Variants in ZNF277 observed in about 807,000 individuals in gnomAD.
ZNF277 encodes the protein nuclear receptor-interacting factor 4.
In ZNF277, 55 loss-of-function variants were observed where a neutral mutation model predicts 60.7. The ratio of observed to expected loss-of-function variants is 0.91; its 90% CI spans 0.73 to 1.13. The LOEUF (loss-of-function observed/expected upper bound fraction) is 1.13. ZNF277 is among the 50% of genes most tolerant of loss of function. ZNF277 has a pLI of 0.00. For missense variants in ZNF277, 510 were observed against 523.0 expected, an observed-to-expected ratio of 0.98 and a Z score of 0.24; for synonymous variants, 178 against 179.3, an observed-to-expected ratio of 0.99 and a Z score of 0.06.
chr7:112,329,606 A>G (rs900266637), intron 6 of ZNF277, among the ~76,000 whole-genome samples: 2 of 152,166 alleles, frequency 1.3e-5, no homozygotes, highest in African/African-American at 4.8e-5. Context: ...AAATCAGAAA[A>G]TGGCAACAGA....
At chr7:112,252,101 C>T (rs962191368) in intron 1 of ZNF277, among the ~76,000 whole-genome samples, 4 of 152,200 alleles carry the variant, frequency 2.6e-5, no homozygotes, top group South Asian at 4.1e-4. Context: ...TACACTGATG[C>T]ACAATATGTG....
intron 2 of ZNF277, chr7:112,288,135 G>T (rs1335736689): frequency 1.3e-5 from 2 of 152,160 alleles, no homozygotes; most frequent in Non-Finnish European, 2.9e-5. Context: ...CAAGCCAAAA[G>T]GATATTGCCC....
intron 5 of ZNF277, among the ~76,000 whole-genome samples, chr7:112,320,991 G>A (rs1389509517): frequency 4.9e-5 from 7 of 141,524 alleles, no homozygotes; most frequent in African/African-American, 1.9e-4. Flanking sequence ...GCAGGATCTC[G>A]GCTCACTGCA....
chr7:112,248,140 G>A (rs775575735), intron 1 of ZNF277, among the ~76,000 whole-genome samples: 3 of 152,166 alleles, frequency 2.0e-5, no homozygotes, highest in Non-Finnish European at 4.4e-5. Flanking sequence ...TGTGAAAAGT[G>A]TGAAATCAAG....
At chr7:112,321,216 C>T (rs984907508) in intron 5 of ZNF277, among the ~76,000 whole-genome samples, 8 of 151,852 alleles carry the variant, frequency 5.3e-5, no homozygotes, top group African/African-American at 1.9e-4. Context: ...CCACCGCACC[C>T]GGCTCCCTTG....
chr7:112,271,454 G>A (rs1176984168), intron 1 of ZNF277, among the ~76,000 whole-genome samples: 1 of 152,172 alleles, frequency 6.6e-6, no homozygotes, highest in Non-Finnish European at 1.5e-5. Context: ...AGAACATAGA[G>A]TAATTGTCAG....
rs187467593 is a variant in ZNF277 at position 112,326,741 on chromosome 7, G to T, written c.558-976G>T. Among the ~76,000 whole-genome samples, 32 of 150,014 alleles carry T rather than the reference G, an allele frequency of 2.1e-4. 1 individual carries two copies. The South Asian group carries it at 4.2e-3, about 20-fold the overall frequency. On this transcript the variant is annotated intron_variant, in intron 5 of 11. Transcript: ENST00000361822. ...AAAAAAACACTGAAAACATTTTTTT[G>T]GGGGGGGACCAGGTAAGTGTCTAAA...
chr7:112,229,454 C>T (rs1158572178), intron 1 of ZNF277, among the ~76,000 whole-genome samples: 1 of 152,222 alleles, frequency 6.6e-6, no homozygotes, highest in Non-Finnish European at 1.5e-5. Context: ...CAAAATACTG[C>T]ATCTCATAAC....
At chr7:112,263,781 A>G (rs1791487345) in intron 1 of ZNF277, among the ~76,000 whole-genome samples, 1 of 152,196 alleles carries the variant, frequency 6.6e-6, no homozygotes, top group Non-Finnish European at 1.5e-5. Context: ...GGTTTTGTTA[A>G]GCTTTTATGA....
At chr7:112,279,013 C>T (rs1276472712) in intron 1 of ZNF277, among the ~76,000 whole-genome samples, 2 of 152,130 alleles carry the variant, frequency 1.3e-5, no homozygotes, top group Admixed American at 6.5e-5. Context: ...CTGTGACTGG[C>T]TTATTTCTCT....
intron 1 of ZNF277, among the ~76,000 whole-genome samples, chr7:112,280,816 T>G (rs868368299): frequency 1.3e-5 from 2 of 152,014 alleles, no homozygotes; most frequent in South Asian, 4.1e-4. Flanking sequence ...GTAGTGGAGA[T>G]GGGGTTTCAC....
intron 1 of ZNF277, among the ~76,000 whole-genome samples, chr7:112,238,771 G>A (rs1790867850): frequency 8.0e-6 from 1 of 124,442 alleles, no homozygotes; most frequent in South Asian, 2.6e-4. Context: ...TCCAGGCCCT[G>A]GCTCCTGGAT....
At chr7:112,341,234 C>A in intron 11 of ZNF277, 188 bp downstream of exon 11, 2 of 429,956 alleles carry the variant, frequency 4.7e-6, no homozygotes, top group East Asian at 4.0e-5. Context: ...CCCCCTCTTA[C>A]AAATGAAACC....
chr7:112,301,890 T>A (rs1291474576), intron 4 of ZNF277, among the ~76,000 whole-genome samples: 1 of 152,148 alleles, frequency 6.6e-6, no homozygotes, highest in Admixed American at 6.6e-5. Flanking sequence ...TTGTAATTTC[T>A]ATAAAGCCAT....
intron 1 of ZNF277, among the ~76,000 whole-genome samples, chr7:112,277,077 A>ATTTTTTTTTT (rs59902516): frequency 8.6e-5 from 9 of 104,478 alleles, no homozygotes; most frequent in South Asian, 3.3e-4. Flanking sequence ...GAATCTGTTG[A>ATTTTTTTTTT]TTTTTTTTTT....
chr7:112,244,116 G>C (rs1321703257), intron 1 of ZNF277, among the ~76,000 whole-genome samples: 4 of 152,134 alleles, frequency 2.6e-5, no homozygotes, highest in African/African-American at 9.7e-5. Flanking sequence ...CATGGACACA[G>C]AGAGTGGAAT....
At chr7:112,301,228 C>T (rs1792464221) in intron 4 of ZNF277, among the ~76,000 whole-genome samples, 1 of 151,950 alleles carries the variant, frequency 6.6e-6, no homozygotes, top group Non-Finnish European at 1.5e-5. Flanking sequence ...GTCTCGAACT[C>T]CTGGGCTCAA....
chr7:112,316,567 T>C (rs565461641), intron 4 of ZNF277, among the ~76,000 whole-genome samples: 1 of 152,270 alleles, frequency 6.6e-6, no homozygotes, highest in Non-Finnish European at 1.5e-5. Flanking sequence ...CTAGTTTAAT[T>C]AGATCCCATT....
intron 2 of ZNF277, among the ~76,000 whole-genome samples, chr7:112,291,284 T>G (rs1388351632): frequency 6.6e-6 from 1 of 152,156 alleles, no homozygotes; most frequent in Non-Finnish European, 1.5e-5. Context: ...CAAACCTTTA[T>G]GACTATGTCA....
Sources: gnomAD v4.1 joint callset for allele counts (sites outside exome capture counted in the v4.1 genomes callset) on GRCh38, gnomAD v4.1.1 for gene constraint, MANE v1.5 for transcripts, NCBI Gene and HGNC (gene_info 2026-07-23, HGNC 2026-07-21) for gene names.